The following SYN3 variants were observed in gnomAD, a reference collection of about 807,000 sequenced individuals.
SYN3 encodes the protein synapsin-3.
In SYN3, 35 loss-of-function variants were observed where a neutral mutation model predicts 65.8. The observed-to-expected ratio is 0.53, with a 90% confidence interval of 0.41 to 0.70. The LOEUF is 0.70. SYN3 is among the 30% of genes least tolerant of loss of function. The pLI is 0.00. For synonymous variants in SYN3, 270 were observed against 292.9 expected (o/e 0.92, Z 0.80); for missense variants, 680 against 749.0 (o/e 0.91, Z 1.08).
chr22:32,841,922 T>C (rs2047916953), intron 6 of SYN3, among the ~76,000 whole-genome samples: 1 of 152,148 alleles, frequency 6.6e-6, no homozygotes, highest in Admixed American at 6.6e-5. Context: ...CTGTCAGTTG[T>C]GCAGATGGTG....
At chr22:32,933,738 G>A (rs2050699418) in intron 3 of SYN3, among the ~76,000 whole-genome samples, 1 of 152,062 alleles carries the variant, frequency 6.6e-6, no homozygotes, top group Admixed American at 6.6e-5. Context: ...ACGCTCAGCT[G>A]GCCCTGTGCT....
chr22:32,741,132 A>G (rs767806230), intron 6 of SYN3, among the ~76,000 whole-genome samples: 27 of 152,172 alleles, frequency 1.8e-4, no homozygotes, highest in Non-Finnish European at 3.1e-4. Context: ...ACACTGGGAG[A>G]TGCAGAGTTG....
chr22:32,671,485 A>T (rs1432068002), intron 6 of SYN3, among the ~76,000 whole-genome samples: 1 of 151,916 alleles, frequency 6.6e-6, no homozygotes, highest in Non-Finnish European at 1.5e-5. Flanking sequence ...TTACACACAC[A>T]TGCTGTCGCA....
intron 1 of SYN3, among the ~76,000 whole-genome samples, chr22:33,054,303 T>TATTTG (rs1437014332): frequency 3.9e-5 from 6 of 152,110 alleles, no homozygotes; most frequent in Non-Finnish European, 8.8e-5. Flanking sequence ...TCCAAGAGGG[T>TATTTG]ATTTGAATTG....
intron 6 of SYN3, among the ~76,000 whole-genome samples, chr22:32,690,187 A>T (rs2060643891): frequency 6.6e-6 from 1 of 152,074 alleles, no homozygotes; most frequent in African/African-American, 2.4e-5. Flanking sequence ...AAAAGGAAAA[A>T]GGCCCAAGAG....
chr22:32,688,961 G>A (rs1008930624), intron 6 of SYN3, among the ~76,000 whole-genome samples: 3 of 152,180 alleles, frequency 2.0e-5, no homozygotes, highest in African/African-American at 4.8e-5. Context: ...TTGGGCAACC[G>A]ACCTAAGACC....
chr22:32,572,480 T>TCC, intron 7 of SYN3, among the ~76,000 whole-genome samples: 1 of 117,662 alleles, frequency 8.5e-6, no homozygotes, highest in Non-Finnish European at 1.8e-5. Flanking sequence ...TCTCCTTCCC[T>TCC]CCCTTCCTTT....
chr22:32,834,363 G>A (rs11089595), intron 6 of SYN3, among the ~76,000 whole-genome samples: 14,529 of 151,216 alleles, frequency 0.096, 759 homozygotes, highest in African/African-American at 0.15. Flanking sequence ...GGGTTCCACC[G>A]TGTTGGCCAG....
intron 6 of SYN3, among the ~76,000 whole-genome samples, chr22:32,711,325 C>T (rs9619301): frequency 0.22 from 33,621 of 152,108 alleles, 5,621 homozygotes; most frequent in East Asian, 0.63. Flanking sequence ...CAATTGGATT[C>T]ATTCTCTTGG....
Position 32,699,846 on chromosome 22 carries a change from T to C in SYN3, c.712-103110A>G, listed in dbSNP as rs11912060. 1.6e-3 allele frequency among the ~76,000 whole-genome samples: 237 copies of C among 152,240 alleles called. 1 individual carries two copies. The highest frequency in any genetic ancestry group is 5.5e-3 in the African/African-American group (227 of 41,536). On this transcript the variant is annotated intron_variant, in intron 6 of 13. Coordinates refer to ENST00000358763, the MANE Select transcript of SYN3 (RefSeq NM_003490.4). Reference sequence around the variant, plus strand: ...CTACCTCTCATCTCAGTTCTAGAATTTTAAGCACCTTGAGGCAAGGTCTAT... The same window carrying C: ...CTACCTCTCATCTCAGTTCTAGAATCTTAAGCACCTTGAGGCAAGGTCTAT...
intron 9 of SYN3, among the ~76,000 whole-genome samples, chr22:32,536,794 G>A (rs2058172890): frequency 6.6e-6 from 1 of 152,202 alleles, no homozygotes; most frequent in Admixed American, 6.5e-5. Context: ...ACACAAAGAA[G>A]CTGAACTTGG....
At chr22:32,555,252 T>G (rs189815746) in intron 7 of SYN3, among the ~76,000 whole-genome samples, 187 of 152,306 alleles carry the variant, frequency 1.2e-3, no homozygotes, top group Middle Eastern at 3.4e-3. Flanking sequence ...TTACGAAAGC[T>G]GAAGGCTAAT....
At chr22:32,950,122 T>A (rs2051246354) in intron 3 of SYN3, among the ~76,000 whole-genome samples, 1 of 152,124 alleles carries the variant, frequency 6.6e-6, no homozygotes, top group Non-Finnish European at 1.5e-5. Flanking sequence ...CCCCTGCCCA[T>A]GGCCTTGGGC....
Position 32,601,958 on chromosome 22 carries a change from G to A in SYN3, c.712-5222C>T, listed in dbSNP as rs561542334. ...TCTTTTCTTTTCTTTTTTTTTTTTT[G>A]TGACACTTCTTTATTGAAATAATAG... On this transcript the variant is annotated intron_variant, in intron 6 of 13. Coordinates refer to ENST00000358763, the MANE Select transcript of SYN3 (RefSeq NM_003490.4). Among the ~76,000 whole-genome samples, 33 of 144,370 alleles carry A rather than the reference G, an allele frequency of 2.3e-4. No individual in the cohort carries two copies. In the South Asian group the frequency reaches 6.3e-3, roughly 28 times the overall value. The allele number at this position is 144,370 out of a possible 152,430, so 94.7% of individuals were successfully genotyped here.
intron 1 of SYN3, among the ~76,000 whole-genome samples, chr22:33,046,286 T>C (rs1378790315): frequency 6.6e-6 from 1 of 152,244 alleles, no homozygotes; most frequent in Non-Finnish European, 1.5e-5. Context: ...TGGAAGTTTC[T>C]TATAAAGTTA....
intron 6 of SYN3, among the ~76,000 whole-genome samples, chr22:32,616,677 G>A (rs561582578): frequency 6.6e-6 from 1 of 152,130 alleles, no homozygotes; most frequent in Non-Finnish European, 1.5e-5. Flanking sequence ...ACCCTCGAAG[G>A]GTTCCCAGGC....
chr22:32,611,075 A>G (rs2059435860), intron 6 of SYN3, among the ~76,000 whole-genome samples: 1 of 152,190 alleles, frequency 6.6e-6, no homozygotes, highest in African/African-American at 2.4e-5. Context: ...TATGGGTAAT[A>G]CTTTGGCAAC....
At chr22:32,750,732 G>A (rs999522595) in intron 6 of SYN3, among the ~76,000 whole-genome samples, 2 of 152,200 alleles carry the variant, frequency 1.3e-5, no homozygotes, top group African/African-American at 4.8e-5. Context: ...GAGGGATCTG[G>A]ACCTTGGGAT....
At chr22:32,592,947 A>T (rs1245315031) in intron 7 of SYN3, among the ~76,000 whole-genome samples, 1 of 152,180 alleles carries the variant, frequency 6.6e-6, no homozygotes, top group African/African-American at 2.4e-5. Flanking sequence ...AATTGCATCC[A>T]TGGGGGCCTG....
Sources: allele counts gnomAD v4.1 joint callset (sites outside exome capture counted in the v4.1 genomes callset), GRCh38; gene constraint gnomAD v4.1.1; transcripts MANE v1.5; gene names NCBI Gene and HGNC (gene_info 2026-07-23, HGNC 2026-07-21).